FANCB: variants seen among roughly 807,000 people sequenced by gnomAD.
FANCB encodes the protein Fanconi anemia group B protein.
In FANCB, 5 loss-of-function variants were observed where a neutral mutation model predicts 38.9. That is an observed-to-expected ratio of 0.13 (90% confidence interval 0.07 to 0.27). The LOEUF is 0.27. Ranked by LOEUF, FANCB falls within the 10% of genes least tolerant of loss-of-function variation. FANCB has a pLI of 1.00. For missense variants in FANCB, 573 were observed against 602.7 expected (o/e 0.95, Z 0.52); for synonymous variants, 236 against 215.4 (o/e 1.10, Z -0.84).
intron 2 of FANCB, among the ~76,000 whole-genome samples, chrX:14,865,937 A>C (rs2092467919): frequency 9.0e-6 from 1 of 111,515 alleles, no homozygotes; most frequent in South Asian, 3.7e-4. Context: ...AACAACTCTA[A>C]TGTGGTTTCC....
the FANCB span, among the ~76,000 whole-genome samples, chrX:14,764,136 C>T: frequency 9.0e-6 from 1 of 111,604 alleles, no homozygotes; most frequent in Non-Finnish European, 1.9e-5. Context: ...TTAGCTGGGT[C>T]CTCTGTTTTG....
downstream of FANCB, among the ~76,000 whole-genome samples, chrX:14,832,946 C>T (rs2092331038): frequency 1.8e-5 from 2 of 111,978 alleles, no homozygotes; most frequent in Non-Finnish European, 3.8e-5. Flanking sequence ...TAGTGTAAGT[C>T]TTAATGAATA....
chrX:14,697,491 T>G, the FANCB span, among the ~76,000 whole-genome samples: 11 of 111,862 alleles, frequency 9.8e-5, no homozygotes, highest in East Asian at 1.7e-3. Flanking sequence ...ATCACTACTA[T>G]CCAGGCATCT....
the FANCB span, among the ~76,000 whole-genome samples, chrX:14,731,982 C>T: frequency 9.1e-6 from 1 of 110,371 alleles, no homozygotes; most frequent in African/African-American, 3.3e-5. Flanking sequence ...TTTCTGCACC[C>T]ATCAACCCAT....
chrX:14,744,204 A>G, the FANCB span, among the ~76,000 whole-genome samples: 1 of 111,445 alleles, frequency 9.0e-6, no homozygotes, highest in Admixed American at 9.5e-5. Context: ...TGGGAAAAAA[A>G]CATTCTTTCT....
At chrX:14,763,948 G>C in the FANCB span, among the ~76,000 whole-genome samples, 2 of 111,715 alleles carry the variant, frequency 1.8e-5, no homozygotes, top group African/African-American at 6.5e-5. Flanking sequence ...GGCATGCGAA[G>C]GGAGTAAGAT....
chrX:14,837,648 T>C (rs2092344854), intron 10 of FANCB, among the ~76,000 whole-genome samples: 1 of 112,548 alleles, frequency 8.9e-6, no homozygotes, highest in African/African-American at 3.2e-5. Flanking sequence ...TTTTATAGAA[T>C]TGTGTATTAT....
At chrX:14,721,219 CCT>C in the FANCB span, among the ~76,000 whole-genome samples, 160 of 110,249 alleles carry the variant, frequency 1.5e-3, 1 homozygote, top group Non-Finnish European at 2.4e-3. Flanking sequence ...CAAGATAAAC[CCT>C]GTTTTAGTTA....
chrX:14,734,815 T>G, the FANCB span, among the ~76,000 whole-genome samples: 1 of 110,619 alleles, frequency 9.0e-6, no homozygotes, highest in Non-Finnish European at 1.9e-5. Flanking sequence ...TCCTGAAGAG[T>G]GTTTTCCAAC....
chrX:14,770,378 C>T, the FANCB span, among the ~76,000 whole-genome samples: 4 of 110,825 alleles, frequency 3.6e-5, no homozygotes, highest in Non-Finnish European at 7.5e-5. Context: ...TGAATTGAAC[C>T]CTTTACCATT....
intron 3 of FANCB, among the ~76,000 whole-genome samples, chrX:14,861,039 C>T (rs932956768): frequency 9.0e-6 from 1 of 111,149 alleles, no homozygotes; most frequent in Non-Finnish European, 1.9e-5. Flanking sequence ...TATGCCACCA[C>T]GCCCAGCTAA....
In FANCB at chrX:14,868,126, T is replaced by A. The variant is rs779913885; in HGVS notation, c.-71+797A>T. Among the ~76,000 whole-genome samples, 9 of 111,579 alleles carry A rather than the reference T, an allele frequency of 8.1e-5. No individual in the cohort carries two copies. In the South Asian group the frequency reaches 3.0e-3, roughly 37 times the overall value. The stretch of plus-strand genomic sequence containing the variant: ...CTGCTGGTAGGAAGGTAAATTAGTA[T>A]AGCCACTATGGAAAACAGTATGGAA... On this transcript the variant is annotated intron_variant, in intron 2 of 9. Coordinates refer to ENST00000650831, the MANE Select transcript of FANCB (RefSeq NM_001018113.3).
chrX:14,854,556 T>C (rs917592883), intron 5 of FANCB, among the ~76,000 whole-genome samples: 1 of 111,746 alleles, frequency 8.9e-6, no homozygotes, highest in African/African-American at 3.3e-5. Flanking sequence ...TTCCCAGAAC[T>C]TTTCCATGTG....
chrX:14,851,494 T>C (rs77350873), intron 6 of FANCB, among the ~76,000 whole-genome samples: 2,540 of 62,374 alleles, frequency 0.041, 65 homozygotes, highest in African/African-American at 0.16. Context: ...CATGTGGTAA[T>C]TACTAAAGAT....
At chrX:14,853,338 A>T (rs985528967) in intron 5 of FANCB, among the ~76,000 whole-genome samples, 171 bp from the exon 6 acceptor site, 1 of 112,079 alleles carries the variant, frequency 8.9e-6, no homozygotes, top group Admixed American at 9.5e-5. Flanking sequence ...TAAGTCTCTA[A>T]GTTTAAAAAA....
At chrX:14,694,258 G>A in the FANCB span, among the ~76,000 whole-genome samples, 862 of 111,314 alleles carry the variant, frequency 7.7e-3, 16 homozygotes, top group African/African-American at 0.027. Flanking sequence ...AAGGGAGAGA[G>A]GGTAAAACAA....
chrX:14,834,789 T>C, downstream of FANCB: 1 of 572,471 alleles, frequency 1.7e-6, no homozygotes, highest in Non-Finnish European at 3.0e-6. Context: ...CACTGGTGCT[T>C]TTTCTTCAGT....
chrX:14,813,159 T>C, the FANCB span, among the ~76,000 whole-genome samples: 3,160 of 108,560 alleles, frequency 0.029, 66 homozygotes, highest in Non-Finnish European at 0.034. Flanking sequence ...ATTGATGGGA[T>C]GTATCTCAAA....
At chrX:14,721,401 A>G in the FANCB span, among the ~76,000 whole-genome samples, 1 of 111,657 alleles carries the variant, frequency 9.0e-6, no homozygotes, top group African/African-American at 3.3e-5. Context: ...TTCCACAACA[A>G]AACACTACAT....
Sources: allele counts gnomAD v4.1 joint callset (sites outside exome capture counted in the v4.1 genomes callset), GRCh38; gene constraint gnomAD v4.1.1; transcripts MANE v1.5; gene names NCBI Gene and HGNC (gene_info 2026-07-23, HGNC 2026-07-21).